THSD7A: variants seen among roughly 807,000 people sequenced by gnomAD.
THSD7A encodes the protein thrombospondin type-1 domain-containing protein 7A.
Under a neutral mutation model 231.3 loss-of-function variants are expected in THSD7A, and 96 were observed. That is an observed-to-expected ratio of 0.41 (90% CI 0.35 to 0.49). The LOEUF (loss-of-function observed/expected upper bound fraction) is 0.49, where lower values mean the gene tolerates loss of function less well. Ranked by LOEUF, THSD7A falls within the 20% of genes least tolerant of loss-of-function variation. The pLI, the probability that THSD7A is intolerant of heterozygous loss-of-function variation, is 0.05. For missense variants in THSD7A, 2,290 were observed against 2,070.2 expected, an observed-to-expected ratio of 1.11 and a Z score of -2.06; for synonymous variants, 940 against 743.3, an observed-to-expected ratio of 1.26 and a Z score of -4.30.
At chr7:11,723,536 T>C (rs950661439) in intron 1 of THSD7A, among the ~76,000 whole-genome samples, 10 of 151,884 alleles carry the variant, frequency 6.6e-5, no homozygotes, top group Non-Finnish European at 1.0e-4. Context: ...TAAATAGTAA[T>C]AAGTACTAAG....
chr7:11,638,582 A>G (rs1373443302), intron 1 of THSD7A, among the ~76,000 whole-genome samples: 6 of 152,208 alleles, frequency 3.9e-5, no homozygotes, highest in Non-Finnish European at 8.8e-5. Flanking sequence ...ACTAATCATT[A>G]TTGCATGAAA....
rs200544925 is a variant in THSD7A at position 11,401,847 on chromosome 7, T to C, written c.4359A>G (p.Leu1453=). 6.2e-7 allele frequency: 1 copy of C among 1,613,940 alleles called. No homozygotes were observed. The highest frequency in any genetic ancestry group is 8.5e-7 in the Non-Finnish European group (1 of 1,179,834). ...VRSRPVIIQE[L]ENQHLCPEQM... ...GCTCTGGGCACAGATGCTGATTCTC[T>C]AGTTCTTGTATAATCACCGGTCTGG... Residue 1453 remains leucine (L), a synonymous_variant, in exon 23 of 28, where the codon CTA becomes CTG. Transcript: ENST00000423059.
At chr7:11,720,274 T>A (rs1170771510) in intron 1 of THSD7A, among the ~76,000 whole-genome samples, 1 of 151,762 alleles carries the variant, frequency 6.6e-6, no homozygotes, top group African/African-American at 2.4e-5. Context: ...TCTAGCTTCA[T>A]CTCACAACAC....
chr7:11,706,671 C>CCTAGCAAGA (rs1160757062), intron 1 of THSD7A, among the ~76,000 whole-genome samples: 1 of 117,994 alleles, frequency 8.5e-6, no homozygotes, highest in African/African-American at 3.1e-5. Flanking sequence ...TTATCAACTG[C>CCTAGCAAGA]CTAGCAAGAA....
At position 11,429,055 on chromosome 7, in the gene THSD7A, C is replaced by T. The variant is rs529594790; in HGVS notation, c.3135G>A (p.Ser1045=). 1.8e-4 allele frequency: 284 copies of T among 1,613,116 alleles called. 3 individuals carry two copies. In the South Asian group the frequency reaches 2.6e-3, roughly 15 times the overall value. Residue 1045 remains serine (S), a synonymous_variant, in exon 14 of 28, where the codon TCG becomes TCA. Coordinates refer to ENST00000423059, the MANE Select transcript of THSD7A (RefSeq NM_015204.3). ...DCKLSEWSNW[S]RCSKSCGSGV... ...CACTCCCACAGGACTTGCTGCAGCG[C>T]GACCAGTTGGACCACTCACTGAGCT...
chr7:11,691,501 C>A (rs1780229631), intron 1 of THSD7A, among the ~76,000 whole-genome samples: 1 of 151,382 alleles, frequency 6.6e-6, no homozygotes, highest in African/African-American at 2.4e-5. Context: ...TCAGGTAATA[C>A]TTGCCTTGGA....
At chr7:11,469,407 A>G (rs1030016431) in intron 9 of THSD7A, among the ~76,000 whole-genome samples, 4 of 152,166 alleles carry the variant, frequency 2.6e-5, no homozygotes, top group African/African-American at 9.6e-5. Context: ...GACACATTAC[A>G]TGCTGGCAGA....
intron 13 of THSD7A, among the ~76,000 whole-genome samples, chr7:11,436,541 T>C (rs569569760): frequency 1.1e-3 from 170 of 152,172 alleles, no homozygotes; most frequent in African/African-American, 4.0e-3. Flanking sequence ...AGATACTGCA[T>C]TCCCATAATT....
intron 1 of THSD7A, among the ~76,000 whole-genome samples, chr7:11,687,078 T>A (rs944583512): frequency 2.6e-5 from 4 of 151,936 alleles, no homozygotes; most frequent in African/African-American, 9.7e-5. Flanking sequence ...ACATTAATTT[T>A]GATTTCTAAA....
intron 1 of THSD7A, among the ~76,000 whole-genome samples, chr7:11,824,558 G>T (rs923094634): frequency 1.3e-5 from 2 of 152,086 alleles, no homozygotes; most frequent in African/African-American, 4.8e-5. Context: ...AAACCAGATA[G>T]TTGTGTATAA....
Position 11,674,203 on chromosome 7 carries a change from G to A in THSD7A, c.191-37242C>T, listed in dbSNP as rs146750506. The stretch of plus-strand genomic sequence containing the variant: ...CCTGGGTACAGCTCTAGTCACTGAA[G>A]TAGGCACCACCAAAGCCTGGAAATG... On this transcript the variant is annotated intron_variant, in intron 1 of 27. Coordinates refer to ENST00000423059, the MANE Select transcript of THSD7A (RefSeq NM_015204.3). 6.9e-3 allele frequency among the ~76,000 whole-genome samples: 1,045 copies of A among 152,116 alleles called. 16 individuals are homozygous for A. Among genetic ancestry groups the A allele is most frequent in the African/African-American group, 0.024 (992 of 41,514 alleles).
chr7:11,771,379 G>C (rs1323521612), intron 1 of THSD7A, among the ~76,000 whole-genome samples: 1 of 151,844 alleles, frequency 6.6e-6, no homozygotes, highest in Non-Finnish European at 1.5e-5. Flanking sequence ...TAAATACAGA[G>C]AGAAAAGTTT....
chr7:11,619,167 A>C lies in THSD7A; in HGVS notation c.1022+16963T>G, dbSNP rs1348012214. On this transcript the variant is annotated intron_variant, in intron 2 of 27. Coordinates refer to ENST00000423059, the MANE Select transcript of THSD7A (RefSeq NM_015204.3). ...TAAGAAATATAAAGAAACTGGTTAC[A>C]TTTGTTACTAAAATACACTGGATTT... Among the ~76,000 whole-genome samples, 4 of 152,180 alleles carry C rather than the reference A, an allele frequency of 2.6e-5. No homozygotes were observed. The South Asian group carries it at 8.3e-4, about 32-fold the overall frequency.
intron 1 of THSD7A, among the ~76,000 whole-genome samples, chr7:11,773,221 G>A (rs1783292516): frequency 6.6e-6 from 1 of 152,170 alleles, no homozygotes; most frequent in South Asian, 2.1e-4. Flanking sequence ...GTAGTTAAAT[G>A]TAAAGTCAAT....
intron 2 of THSD7A, among the ~76,000 whole-genome samples, chr7:11,616,600 T>A (rs1266780062): frequency 6.6e-6 from 1 of 152,188 alleles, no homozygotes; most frequent in Non-Finnish European, 1.5e-5. Context: ...TTGCTAGTTT[T>A]CTCTTACTCA....
rs1314635433 is a variant in THSD7A, at chr7:11,446,995, C to T, written c.2800+235G>A. ...GTCCACTAAAAGATTATGTCTACACCAGAAAATAATCCACTGCATATTATA... is the reference window on the plus strand; with the variant it reads ...GTCCACTAAAAGATTATGTCTACACTAGAAAATAATCCACTGCATATTATA... On this transcript the variant is annotated intron_variant, in intron 12 of 27. Coordinates refer to ENST00000423059, the MANE Select transcript of THSD7A (RefSeq NM_015204.3). The surrounding 1 kb of genome is among the most constrained non-coding windows in gnomAD (Gnocchi z 4.0). 6.6e-6 allele frequency among the ~76,000 whole-genome samples: 1 copy of T among 152,066 alleles called. No homozygotes were observed. The highest frequency in any genetic ancestry group is 2.4e-5 in the African/African-American group (1 of 41,412).
Position 11,544,248 on chromosome 7 carries a change from A to G in THSD7A, c.1454-1131T>C, listed in dbSNP as rs181194615. ...TCCCAGCTACTTGGGAGGCTGAGGCAAGAGAATCACTTGAACCTGGGAGGC... is the reference window on the plus strand; with the variant it reads ...TCCCAGCTACTTGGGAGGCTGAGGCGAGAGAATCACTTGAACCTGGGAGGC... On this transcript the variant is annotated intron_variant, in intron 4 of 27. Transcript: ENST00000423059. Among the ~76,000 whole-genome samples, 525 of 152,262 alleles carry G rather than the reference A, an allele frequency of 3.4e-3. 7 individuals are homozygous for G. Among genetic ancestry groups the G allele is most frequent in the African/African-American group, 0.012 (504 of 41,558 alleles).
chr7:11,726,380 G>A (rs1021892353), intron 1 of THSD7A, among the ~76,000 whole-genome samples: 2 of 151,960 alleles, frequency 1.3e-5, no homozygotes, highest in African/African-American at 4.8e-5. Flanking sequence ...CAATGATTAG[G>A]TGCAGCTGTA....
At position 11,564,218 on chromosome 7, in the gene THSD7A, C is replaced by G. The variant is rs1790203501; in HGVS notation, c.1454-21101G>C. ...GAAGAGCATTCCTTTTTCTTTTCTCCTCAGCTTTATATTCTAGTTTTAACT... is the reference window on the plus strand; with the variant it reads ...GAAGAGCATTCCTTTTTCTTTTCTCGTCAGCTTTATATTCTAGTTTTAACT... On this transcript the variant is annotated intron_variant, in intron 4 of 27. Coordinates refer to ENST00000423059, the MANE Select transcript of THSD7A (RefSeq NM_015204.3). Among the ~76,000 whole-genome samples, 4 of 152,268 alleles carry G rather than the reference C, an allele frequency of 2.6e-5. No individual in the cohort carries two copies. The South Asian group carries it at 8.3e-4, about 32-fold the overall frequency.
Sources: gnomAD v4.1 joint callset for allele counts (sites outside exome capture counted in the v4.1 genomes callset) on GRCh38, gnomAD v4.1.1 for gene constraint, Gnocchi (gnomAD v3.1) non-coding constraint, MANE v1.5 for transcripts, NCBI Gene and HGNC (gene_info 2026-07-23, HGNC 2026-07-21) for gene names.